The following JAKMIP3 variants were observed in gnomAD, a reference collection of about 807,000 sequenced individuals.
The protein encoded by JAKMIP3 is Janus kinase and microtubule interacting protein 3.
JAKMIP3 carries 58 observed loss-of-function variants against 118.5 expected under a neutral mutation model. That is an observed-to-expected ratio of 0.49 (90% confidence interval 0.40 to 0.61). The LOEUF is 0.61. JAKMIP3 is among the 20% of genes least tolerant of loss of function. The probability of loss-of-function intolerance (pLI) is 0.00; values close to 1 mark genes in which losing one functional copy is unlikely to be tolerated. For synonymous variants in JAKMIP3, 486 were observed against 451.2 expected (o/e 1.08, Z -0.98); for missense variants, 950 against 1,109.0 (o/e 0.86, Z 2.04).
chr10:132,180,542 T>TGTGTGTGCGTGTGTGTGTGC (rs1392970396), intron 23 of JAKMIP3, among the ~76,000 whole-genome samples: 1 of 31,794 alleles, frequency 3.1e-5, no homozygotes, highest in Non-Finnish European at 5.2e-5. Context: ...TGTGTGTGTG[T>TGTGTGTGCGTGTGTGTGTGC]GTGCGTGCGT....
At chr10:132,121,715 G>T (rs370291561) in intron 3 of JAKMIP3, among the ~76,000 whole-genome samples, 8 of 152,250 alleles carry the variant, frequency 5.3e-5, no homozygotes, top group African/African-American at 1.7e-4. Context: ...GACGAGGCTG[G>T]CCTGACTGGG....
intron 16 of JAKMIP3, among the ~76,000 whole-genome samples, chr10:132,151,557 A>G (rs1179900517): frequency 6.6e-6 from 1 of 152,236 alleles, no homozygotes; most frequent in African/African-American, 2.4e-5. Flanking sequence ...TCTGGGGTCC[A>G]GTCCTGGGTA....
At chr10:132,157,641 G>C (rs2057255187) in intron 19 of JAKMIP3, among the ~76,000 whole-genome samples, 1 of 152,134 alleles carries the variant, frequency 6.6e-6, no homozygotes, top group African/African-American at 2.4e-5. Flanking sequence ...CATGTCTCTG[G>C]TGAGCTCAAA....
At chr10:132,133,215 C>A in intron 3 of JAKMIP3, 97 bp from the exon 4 acceptor site, 1 of 1,098,920 alleles carries the variant, frequency 9.1e-7, no homozygotes, top group Non-Finnish European at 1.3e-6. Context: ...TGCTTCCGGT[C>A]TCAGAGCCCA....
intron 2 of JAKMIP3, among the ~76,000 whole-genome samples, chr10:132,115,495 A>G (rs1393371841): frequency 6.6e-6 from 1 of 152,180 alleles, no homozygotes; most frequent in Non-Finnish European, 1.5e-5. Flanking sequence ...TTTCTGCATC[A>G]TCCTGGAGTC....
In JAKMIP3 at chr10:132,163,355, C is replaced by A. The variant is rs141738763; in HGVS notation, c.2367C>A (p.Arg789=). 6.2e-7 allele frequency: 1 copy of A among 1,609,038 alleles called. No individual in the cohort carries two copies. Among genetic ancestry groups the A allele is most frequent in the South Asian group, 1.1e-5 (1 of 90,506 alleles). Residue 789 remains arginine, a synonymous_variant, in exon 20 of 24, where the codon CGC becomes CGA. Transcript: ENST00000684848. ...QWKRQVMSEL[R]ERDAQILRER... is the part of the protein sequence containing the mutation. ...AGCGCCAGGTCATGAGTGAGCTGCG[C>A]GAGCGGGACGCCCAGATCCTGCGGG...
At chr10:132,110,664 G>A (rs1443710157) in intron 2 of JAKMIP3, among the ~76,000 whole-genome samples, 2 of 152,214 alleles carry the variant, frequency 1.3e-5, no homozygotes, top group African/African-American at 4.8e-5. Context: ...ATGGTTAATC[G>A]ATCACTGAGG....
chr10:132,108,395 A>C (rs2046251023), intron 2 of JAKMIP3, among the ~76,000 whole-genome samples: 1 of 152,146 alleles, frequency 6.6e-6, no homozygotes, highest in African/African-American at 2.4e-5. Flanking sequence ...CCAACATTAA[A>C]GGAGTTTCCA....
chr10:132,075,951 T>C (rs2040721798), intron 1 of JAKMIP3, among the ~76,000 whole-genome samples: 1 of 151,780 alleles, frequency 6.6e-6, no homozygotes, highest in Admixed American at 6.6e-5. Flanking sequence ...TCCTTTCAAC[T>C]TGTATCTGTC....
Position 132,168,038 on chromosome 10 carries a change from A to G in JAKMIP3, c.*108A>G. Reference sequence around the variant, plus strand: ...CGTCGCGTCTCCATCCTGAAGACCCAGGGAGATTTGGTCTCTGCACGCCCG... The same window carrying G: ...CGTCGCGTCTCCATCCTGAAGACCCGGGGAGATTTGGTCTCTGCACGCCCG... On this transcript the variant is annotated 3_prime_UTR_variant, in exon 23 of 24. Coordinates refer to ENST00000684848, the MANE Select transcript of JAKMIP3 (RefSeq NM_001323087.2). The G allele has an allele frequency of 3.1e-6, 4 of 1,289,622 alleles. No homozygotes were observed. The highest frequency in any genetic ancestry group is 3.0e-6 in the Non-Finnish European group (3 of 988,850). 79.9% of individuals were successfully genotyped at this position (1,289,622 alleles called of 1,614,324 possible). A position where few individuals can be genotyped will look rare whatever the true frequency, so the allele number is the denominator to read the frequency against.
chr10:132,072,753 C>G (rs1301437389), intron 1 of JAKMIP3, among the ~76,000 whole-genome samples: 1 of 151,790 alleles, frequency 6.6e-6, no homozygotes, highest in Non-Finnish European at 1.5e-5. Flanking sequence ...TTATACCTCT[C>G]TTTTTAAAAT....
In JAKMIP3 at chr10:132,112,089, G is replaced by T. The variant is rs981008018; in HGVS notation, c.136-4988G>T. On this transcript the variant is annotated intron_variant, in intron 2 of 23. Coordinates refer to ENST00000684848, the MANE Select transcript of JAKMIP3 (RefSeq NM_001323087.2). The surrounding 1 kb of genome is among the most constrained non-coding windows in gnomAD (Gnocchi z 4.3). ...GATGCTCCAGGCTTGGGTCTGAGCA[G>T]CAGTGGCCGGGCTGCCCTTTGCTGA... Among the ~76,000 whole-genome samples the T allele has an allele frequency of 5.9e-5, 9 of 152,070 alleles. No individual in the cohort carries two copies. Among genetic ancestry groups the T allele is most frequent in the African/African-American group, 1.9e-4 (8 of 41,532 alleles).
chr10:132,047,214 G>A (rs910580656), intron 1 of JAKMIP3, among the ~76,000 whole-genome samples: 14 of 152,154 alleles, frequency 9.2e-5, no homozygotes, highest in African/African-American at 3.4e-4. Context: ...GGCAGGGAGT[G>A]GACTGATATA....
chr10:132,071,160 A>ATGT (rs71472723), intron 1 of JAKMIP3, among the ~76,000 whole-genome samples: 1 of 149,044 alleles, frequency 6.7e-6, no homozygotes, highest in Non-Finnish European at 1.5e-5. Flanking sequence ...GTCATTTAAA[A>ATGT]GTGTGTGTGT....
At position 132,152,983 on chromosome 10, in the gene JAKMIP3, T is replaced by G. The variant is rs751764262; in HGVS notation, c.2033T>G (p.Val678Gly). 4.7e-5 allele frequency: 76 copies of G among 1,608,676 alleles called. No homozygotes were observed. Among genetic ancestry groups the G allele is most frequent in the Non-Finnish European group, 6.3e-5 (74 of 1,178,098 alleles). Reference protein sequence around the residue: ...VSNLTNEEQVVVIQARTVLTL... With the variant: ...VSNLTNEEQVGVIQARTVLTL... ...AACCTGACCAATGAGGAGCAGGTGG[T>G]TGTCATACAAGCCAGGACAGTCCTG... Residue 678 changes from valine to glycine, a missense_variant, in exon 17 of 24, where the codon GTT becomes GGT. Transcript: ENST00000684848.
intron 19 of JAKMIP3, among the ~76,000 whole-genome samples, chr10:132,161,737 G>C (rs1370458207): frequency 9.2e-5 from 4 of 43,682 alleles, no homozygotes; most frequent in African/African-American, 5.1e-4. Flanking sequence ...ATGCTGGGGG[G>C]TATCTCTCCC....
chr10:132,138,979 C>T (rs899285459), intron 9 of JAKMIP3, among the ~76,000 whole-genome samples: 2 of 152,154 alleles, frequency 1.3e-5, no homozygotes, highest in Non-Finnish European at 2.9e-5. Context: ...TGTGATAAAC[C>T]TATGATTTTT....
At chr10:132,078,653 G>T (rs2041256297) in intron 1 of JAKMIP3, among the ~76,000 whole-genome samples, 1 of 151,052 alleles carries the variant, frequency 6.6e-6, no homozygotes, top group Admixed American at 6.6e-5. Flanking sequence ...CTGGCCATGT[G>T]CTCCTGTTCA....
At chr10:132,111,602 A>G (rs1224206057) in intron 2 of JAKMIP3, among the ~76,000 whole-genome samples, 1 of 151,648 alleles carries the variant, frequency 6.6e-6, no homozygotes, top group East Asian at 2.0e-4. Flanking sequence ...GGAGGGAGAA[A>G]GGGGGTTACT....
Sources: allele counts gnomAD v4.1 joint callset (sites outside exome capture counted in the v4.1 genomes callset), GRCh38; gene constraint gnomAD v4.1.1; non-coding constraint Gnocchi (gnomAD v3.1); transcripts MANE v1.5; gene names NCBI Gene and HGNC (gene_info 2026-07-23, HGNC 2026-07-21).